Variants in NRG1 observed in about 807,000 individuals in gnomAD.
NRG1 encodes the protein pro-neuregulin-1, membrane-bound isoform.
In NRG1, 18 loss-of-function variants were observed where a neutral mutation model predicts 63.8. That is an observed-to-expected ratio of 0.28 (90% CI 0.19 to 0.42). The LOEUF is 0.42. Among genes scored for constraint, NRG1 ranks in the 10% least tolerant of loss-of-function variants. The probability of loss-of-function intolerance (pLI) is 1.00; values close to 1 mark genes in which losing one functional copy is unlikely to be tolerated. For missense variants in NRG1, 762 were observed against 814.7 expected, an observed-to-expected ratio of 0.94 and a Z score of 0.79; for synonymous variants, 302 against 301.3, an observed-to-expected ratio of 1.00 and a Z score of -0.02.
At position 31,940,693 on chromosome 8, in the gene NRG1, G is replaced by A. The variant is rs73582437; in HGVS notation, c.37+301262G>A. 7.0e-4 allele frequency among the ~76,000 whole-genome samples: 107 copies of A among 151,970 alleles called. No individual in the cohort carries two copies. In the Middle Eastern group the frequency reaches 0.01, roughly 14 times the overall value. ...AAGAAGAGAGAACATCCAAATAATC[G>A]TAATTAGAAATGAAATGGGAGATAC... On this transcript the variant is annotated intron_variant, in intron 1 of 10. Coordinates refer to the NRG1 transcript ENST00000519301.
chr8:32,592,868 C>T (rs764199711), intron 1 of NRG1, among the ~76,000 whole-genome samples: 37 of 152,024 alleles, frequency 2.4e-4, no homozygotes, highest in Admixed American at 5.2e-4. Context: ...CTTTTGACTC[C>T]CCCCAAACCT....
rs530288822 is a variant in NRG1, at chr8:32,102,444, A to G, written c.37+463013A>G. ...TAAGCCACTGATCCCAGCCTAATTG[A>G]AGACTTTTGTATGTTAGGTGCTAAG... On this transcript the variant is annotated intron_variant, in intron 1 of 10. Transcript: ENST00000519301. 2.0e-5 allele frequency among the ~76,000 whole-genome samples: 3 copies of G among 152,318 alleles called. No individual in the cohort carries two copies. The East Asian group carries it at 5.8e-4, about 29-fold the overall frequency.
chr8:32,382,029 G>T (rs16879297), intron 1 of NRG1, among the ~76,000 whole-genome samples: 4,807 of 152,160 alleles, frequency 0.032, 257 homozygotes, highest in African/African-American at 0.11. Flanking sequence ...TGAATGAGAT[G>T]ATAACAATGG....
chr8:32,099,425 T>C (rs1448844735), intron 1 of NRG1: 3 of 152,456 alleles, frequency 2.0e-5, no homozygotes, highest in Non-Finnish European at 4.4e-5. Flanking sequence ...ATCTCATGTA[T>C]TCTAAAGTAT....
At chr8:31,727,701 C>T (rs1343475521) in intron 1 of NRG1, among the ~76,000 whole-genome samples, 1 of 152,066 alleles carries the variant, frequency 6.6e-6, no homozygotes, top group East Asian at 1.9e-4. Context: ...CAAGAATGCC[C>T]CAGTGAATGC....
chr8:32,676,586 G>A (rs1230784994), intron 5 of NRG1, among the ~76,000 whole-genome samples: 1 of 152,156 alleles, frequency 6.6e-6, no homozygotes, highest in Admixed American at 6.5e-5. Flanking sequence ...CAGGTTAGCT[G>A]TGAAGGTTAA....
At chr8:32,007,012 G>C (rs1208647910) in intron 1 of NRG1, among the ~76,000 whole-genome samples, 1 of 151,966 alleles carries the variant, frequency 6.6e-6, no homozygotes, top group South Asian at 2.1e-4. Flanking sequence ...ATCCCATTCT[G>C]GTGTTTGATA....
intron 1 of NRG1, among the ~76,000 whole-genome samples, chr8:31,708,320 A>AC (rs1811355465): frequency 1.3e-5 from 2 of 152,218 alleles, no homozygotes; most frequent in Non-Finnish European, 2.9e-5. Context: ...AAGGACAACA[A>AC]GGCCTTCAGG....
chr8:31,951,061 G>T (rs1355650164), intron 1 of NRG1, among the ~76,000 whole-genome samples: 2 of 152,186 alleles, frequency 1.3e-5, no homozygotes, highest in Non-Finnish European at 2.9e-5. Flanking sequence ...TCGCTCATTT[G>T]TTAGGTTGGA....
upstream of NRG1, among the ~76,000 whole-genome samples, chr8:32,546,564 A>G (rs749531964): frequency 7.9e-5 from 12 of 152,086 alleles, no homozygotes; most frequent in Non-Finnish European, 1.2e-4. Flanking sequence ...TTCAGACTCC[A>G]TCTTGCATAC....
intron 1 of NRG1, among the ~76,000 whole-genome samples, chr8:32,524,705 T>C (rs1407446914): frequency 2.0e-5 from 3 of 152,142 alleles, no homozygotes; most frequent in Non-Finnish European, 4.4e-5. Context: ...GTCATGCGGA[T>C]TTAAAATGCT....
At chr8:31,775,655 A>G (rs1483760461) in intron 1 of NRG1, among the ~76,000 whole-genome samples, 2 of 151,938 alleles carry the variant, frequency 1.3e-5, no homozygotes, top group African/African-American at 4.8e-5. Context: ...AGGCCAAGGC[A>G]GGCGGATCAT....
intron 1 of NRG1, among the ~76,000 whole-genome samples, chr8:31,990,224 A>G (rs1329788917): frequency 6.6e-6 from 1 of 152,130 alleles, no homozygotes; most frequent in Non-Finnish European, 1.5e-5. Flanking sequence ...AGTAGAAACT[A>G]CATCTCCAAA....
intron 1 of NRG1, among the ~76,000 whole-genome samples, chr8:32,247,177 A>C (rs1057109363): frequency 6.6e-6 from 1 of 152,130 alleles, no homozygotes; most frequent in Non-Finnish European, 1.5e-5. Flanking sequence ...AGTTGTTACC[A>C]AGTTAACATT....
chr8:32,433,258 T>A (rs988623421), intron 1 of NRG1, among the ~76,000 whole-genome samples: 1 of 151,960 alleles, frequency 6.6e-6, no homozygotes, highest in African/African-American at 2.4e-5. Context: ...GAAAGAGAAA[T>A]GCAAGGCTCT....
intron 1 of NRG1, among the ~76,000 whole-genome samples, chr8:32,454,988 C>T (rs1239314479): frequency 4.6e-5 from 7 of 152,152 alleles, no homozygotes; most frequent in Non-Finnish European, 5.9e-5. Context: ...GTGCTCAGTA[C>T]AGTGACTTGC....
At chr8:32,151,260 G>A (rs1837469947) in intron 1 of NRG1, among the ~76,000 whole-genome samples, 1 of 152,070 alleles carries the variant, frequency 6.6e-6, no homozygotes, top group South Asian at 2.1e-4. Context: ...GTGGATAGAA[G>A]TTCTGGAAAA....
intron 1 of NRG1, among the ~76,000 whole-genome samples, chr8:32,525,520 A>C (rs1425777924): frequency 6.6e-6 from 1 of 151,280 alleles, no homozygotes; most frequent in Non-Finnish European, 1.5e-5. Flanking sequence ...CTTTCACTTA[A>C]TTTCTCTATT....
At chr8:32,003,166 T>C (rs569900217) in intron 1 of NRG1, among the ~76,000 whole-genome samples, 9 of 152,208 alleles carry the variant, frequency 5.9e-5, no homozygotes, top group African/African-American at 9.6e-5. Context: ...GATATAGTTA[T>C]ATTCTTTTGG....
Sources: allele counts gnomAD v4.1 joint callset (sites outside exome capture counted in the v4.1 genomes callset), GRCh38; gene constraint gnomAD v4.1.1; transcripts MANE v1.5; gene names NCBI Gene and HGNC (gene_info 2026-07-23, HGNC 2026-07-21).